SLC3A1: variants seen among roughly 807,000 people sequenced by gnomAD.
The protein encoded by SLC3A1 is amino acid transporter heavy chain SLC3A1.
A neutral mutation model predicts 60.3 loss-of-function variants in SLC3A1; 78 were observed. That is an observed-to-expected ratio of 1.29 (90% CI 1.08 to 1.56). The LOEUF is 1.56. Among genes scored for constraint, SLC3A1 ranks in the 40% most tolerant of loss-of-function variants. The pLI is 0.00. For missense variants in SLC3A1, 1,172 were observed against 858.9 expected (o/e 1.36, Z -4.56); for synonymous variants, 392 against 307.9 (o/e 1.27, Z -2.86).
intron 7 of SLC3A1, among the ~76,000 whole-genome samples, chr2:44,310,733 C>T (rs930419197): frequency 5.3e-5 from 8 of 151,144 alleles, no homozygotes; most frequent in African/African-American, 1.9e-4. Context: ...TCTCTTCCTT[C>T]TCTCCTTTTG....
intron 6 of SLC3A1, among the ~76,000 whole-genome samples, chr2:44,303,245 AT>A (rs113167902): frequency 2.8e-3 from 385 of 136,570 alleles, no homozygotes; most frequent in Non-Finnish European, 3.4e-3. Context: ...CTGAGATCCA[AT>A]TTTTTTTTTT....
chr2:44,275,561 A>G lies in SLC3A1; in HGVS notation c.26A>G (p.Asp9Gly). ...ATGGCTGAAGATAAAAGCAAGAGAG[A>G]CTCCATCGAGATGAGTATGAAGGGA... MAEDKSKR[D>G]SIEMSMKGCQ... Residue 9 changes from aspartate to glycine, a missense_variant, in exon 1 of 10, where the codon GAC becomes GGC. Asp to Gly is a moderately conservative substitution (Grantham distance 94). Coordinates refer to ENST00000260649, the MANE Select transcript of SLC3A1 (RefSeq NM_000341.4). 2 of 1,614,036 alleles carry G rather than the reference A, an allele frequency of 1.2e-6. No homozygotes were observed. Among genetic ancestry groups the G allele is most frequent in the Non-Finnish European group, 1.7e-6 (2 of 1,179,982 alleles).
intron 9 of SLC3A1, among the ~76,000 whole-genome samples, chr2:44,317,078 G>A (rs1672490350): frequency 6.6e-6 from 1 of 152,168 alleles, no homozygotes; most frequent in African/African-American, 2.4e-5. Flanking sequence ...TGAGAGAGCA[G>A]TGTTTGTTTT....
At chr2:44,290,029 C>G (rs1297247174) in intron 4 of SLC3A1, among the ~76,000 whole-genome samples, 5 of 151,458 alleles carry the variant, frequency 3.3e-5, no homozygotes, top group African/African-American at 1.2e-4. Context: ...CCTATGTTTT[C>G]TTCTCAGTTT....
chr2:44,300,621 A>G (rs1269230754), intron 5 of SLC3A1, among the ~76,000 whole-genome samples: 1 of 152,200 alleles, frequency 6.6e-6, no homozygotes, highest in East Asian at 1.9e-4. Context: ...ATTTAAGTGC[A>G]TGATGTTAAT....
intron 7 of SLC3A1, among the ~76,000 whole-genome samples, chr2:44,308,732 A>AT (rs566593033): frequency 0.08 from 11,755 of 147,150 alleles, 554 homozygotes; most frequent in Non-Finnish European, 0.11. Flanking sequence ...TTCCTGAAGA[A>AT]TTTTTTTTTT....
chr2:44,287,525 C>G (rs1466979342), intron 4 of SLC3A1, among the ~76,000 whole-genome samples: 4 of 152,184 alleles, frequency 2.6e-5, no homozygotes, highest in African/African-American at 9.7e-5. Flanking sequence ...TTGAGACATA[C>G]TGCTACCAAA....
At chr2:44,288,991 T>A (rs1479190725) in intron 4 of SLC3A1, among the ~76,000 whole-genome samples, 1 of 151,726 alleles carries the variant, frequency 6.6e-6, no homozygotes, top group Admixed American at 6.6e-5. Context: ...CGTGCCACCA[T>A]GCCCAACTAA....
At chr2:44,296,682 C>G (rs1454451589) in intron 4 of SLC3A1, among the ~76,000 whole-genome samples, 3 of 152,132 alleles carry the variant, frequency 2.0e-5, no homozygotes, top group African/African-American at 7.2e-5. Flanking sequence ...GACTTGAAAC[C>G]TCCATATTCA....
intron 9 of SLC3A1, chr2:44,317,571 A>G (rs1672528094): frequency 6.6e-6 from 1 of 152,262 alleles, no homozygotes; most frequent in Non-Finnish European, 1.5e-5. Flanking sequence ...AGAAAGTTCT[A>G]TTGGCCAGCA....
At chr2:44,292,719 C>T (rs1036938026) in intron 4 of SLC3A1, among the ~76,000 whole-genome samples, 5 of 151,838 alleles carry the variant, frequency 3.3e-5, no homozygotes, top group Admixed American at 1.3e-4. Context: ...AAGCGTGGAT[C>T]GTGACACATT....
At chr2:44,291,490 T>C (rs188885761) in intron 4 of SLC3A1, among the ~76,000 whole-genome samples, 2 of 152,338 alleles carry the variant, frequency 1.3e-5, no homozygotes, top group African/African-American at 4.8e-5. Flanking sequence ...GAATCATTAA[T>C]GCCTCCGGTT....
At chr2:44,315,675 A>AAT (rs1553347695) in intron 9 of SLC3A1, among the ~76,000 whole-genome samples, 4 of 150,458 alleles carry the variant, frequency 2.7e-5, no homozygotes, top group African/African-American at 9.8e-5. Flanking sequence ...AAAAAAAAAA[A>AAT]GCAGAGAATA....
intron 7 of SLC3A1, among the ~76,000 whole-genome samples, chr2:44,310,428 GTTCT>G (rs147686399): frequency 0.026 from 3,929 of 152,242 alleles, 165 homozygotes; most frequent in African/African-American, 0.089. Context: ...TTGGTTTACA[GTTCT>G]TTCTTTCATC....
chr2:44,301,267 T>C, intron 6 of SLC3A1, 140 bp downstream of exon 6: 1 of 1,085,028 alleles, frequency 9.2e-7, no homozygotes, highest in Non-Finnish European at 1.4e-6. Context: ...AGTTTGGTTG[T>C]ACCAGGGCCT....
intron 9 of SLC3A1, chr2:44,317,724 T>C (rs1000231268): frequency 2.6e-5 from 4 of 152,204 alleles, no homozygotes; most frequent in East Asian, 3.9e-4. Context: ...CAAAGAATAC[T>C]AGAAGAAAAA....
At chr2:44,277,112 T>A (rs921890249) in intron 1 of SLC3A1, among the ~76,000 whole-genome samples, 2 of 148,376 alleles carry the variant, frequency 1.3e-5, no homozygotes, top group Admixed American at 6.7e-5. Flanking sequence ...TCTTTTTTTT[T>A]TTTTTTTTTT....
chr2:44,291,554 A>G (rs1329110874), intron 4 of SLC3A1, among the ~76,000 whole-genome samples: 2 of 152,154 alleles, frequency 1.3e-5, no homozygotes, highest in East Asian at 1.9e-4. Context: ...TATTAGAAGT[A>G]AATAAGAAAT....
chr2:44,304,371 G>C (rs1301815631), intron 7 of SLC3A1, 33 bp downstream of exon 7: 1 of 1,525,598 alleles, frequency 6.6e-7, no homozygotes, highest in Non-Finnish European at 9.1e-7. Context: ...TACATAATGT[G>C]CTGCTGTTGC....
Sources: gnomAD v4.1 joint callset for allele counts (sites outside exome capture counted in the v4.1 genomes callset) on GRCh38, gnomAD v4.1.1 for gene constraint, MANE v1.5 for transcripts, NCBI Gene and HGNC (gene_info 2026-07-23, HGNC 2026-07-21) for gene names.